The following CCDC170 variants were observed in gnomAD, a reference collection of about 807,000 sequenced individuals.
CCDC170 encodes coiled-coil domain-containing protein 170.
Under a neutral mutation model 72.6 loss-of-function variants are expected in CCDC170, and 69 were observed. That is an observed-to-expected ratio of 0.95 (90% CI 0.78 to 1.16). CCDC170 has a LOEUF of 1.16. CCDC170 is among the 50% of genes most tolerant of loss of function. CCDC170 has a pLI of 0.00. For missense variants in CCDC170, 852 were observed against 832.5 expected (o/e 1.02, Z -0.29); for synonymous variants, 300 against 303.9 (o/e 0.99, Z 0.13).
At chr6:151,608,149 C>A (rs1019244942) in intron 9 of CCDC170, among the ~76,000 whole-genome samples, 1 of 152,042 alleles carries the variant, frequency 6.6e-6, no homozygotes, top group Non-Finnish European at 1.5e-5. Context: ...TAATTGAATT[C>A]TTCAGTTCCA....
At chr6:151,595,107 C>T (rs1442104658) in intron 8 of CCDC170, among the ~76,000 whole-genome samples, 4 of 152,176 alleles carry the variant, frequency 2.6e-5, no homozygotes, top group African/African-American at 9.6e-5. Flanking sequence ...CACCTGTTAC[C>T]ACTTTACAAG....
chr6:151,511,405 G>T (rs887155349), intron 1 of CCDC170, among the ~76,000 whole-genome samples: 1 of 152,148 alleles, frequency 6.6e-6, no homozygotes, highest in Non-Finnish European at 1.5e-5. Context: ...CTTTCTGTTT[G>T]TCTATTTATC....
chr6:151,548,999 A>G (rs1182916427), intron 5 of CCDC170, among the ~76,000 whole-genome samples: 1 of 152,076 alleles, frequency 6.6e-6, no homozygotes, highest in Non-Finnish European at 1.5e-5. Context: ...ACCCTGGTTC[A>G]CACCATTCTC....
intron 9 of CCDC170, among the ~76,000 whole-genome samples, chr6:151,605,019 A>G (rs1465024883): frequency 1.3e-5 from 2 of 152,210 alleles, no homozygotes; most frequent in African/African-American, 2.4e-5. Context: ...GTAATTCTGT[A>G]TCCATTAACC....
chr6:151,588,602 C>A (rs1295582975), intron 7 of CCDC170, among the ~76,000 whole-genome samples: 1 of 152,082 alleles, frequency 6.6e-6, no homozygotes, highest in Non-Finnish European at 1.5e-5. Context: ...GGAGCTTTTT[C>A]TGTTAGATGT....
intron 5 of CCDC170, 56 bp from the exon 6 acceptor site, chr6:151,573,118 A>C: frequency 6.8e-7 from 1 of 1,476,682 alleles, no homozygotes; most frequent in Non-Finnish European, 9.2e-7. Flanking sequence ...TAGCAAATGC[A>C]GGTGTACCCT....
chr6:151,573,183 A>T lies in CCDC170; in HGVS notation c.784A>T (p.Ser262Cys). The stretch of plus-strand genomic sequence containing the variant: ...TCTGTAATCATTTTAGGACCTGCTC[A>T]GTGCTGTAGAAGCAAAAGAAGCTCT... Reference protein sequence around the residue: ...EKEKLNQDLLSAVEAKEALER... With the variant: ...EKEKLNQDLLCAVEAKEALER... Residue 262 changes from serine (S) to cysteine (C), a missense_variant, in exon 6 of 11, where the codon AGT becomes TGT. Coordinates refer to ENST00000239374, the MANE Select transcript of CCDC170 (RefSeq NM_025059.4). 6.2e-7 allele frequency: 1 copy of T among 1,612,680 alleles called. No individual in the cohort carries two copies. Among genetic ancestry groups the T allele is most frequent in the South Asian group, 1.1e-5 (1 of 90,988 alleles).
At chr6:151,507,758 T>C (rs946578467) in intron 1 of CCDC170, among the ~76,000 whole-genome samples, 1 of 151,866 alleles carries the variant, frequency 6.6e-6, no homozygotes, top group African/African-American at 2.4e-5. Context: ...CTGTATCTAC[T>C]AAAAATACAA....
At chr6:151,529,613 A>G (rs570123141) in intron 1 of CCDC170, among the ~76,000 whole-genome samples, 8 of 152,196 alleles carry the variant, frequency 5.3e-5, no homozygotes, top group Non-Finnish European at 1.2e-4. Flanking sequence ...GCTGACATAG[A>G]GCCACTGCAC....
intron 4 of CCDC170, among the ~76,000 whole-genome samples, chr6:151,547,664 C>G (rs377147545): frequency 6.6e-6 from 1 of 152,128 alleles, no homozygotes; most frequent in East Asian, 1.9e-4. Flanking sequence ...ACAGGCCTCC[C>G]CCTGGCCCTA....
chr6:151,575,463 G>A (rs1405359825), intron 6 of CCDC170, among the ~76,000 whole-genome samples: 1 of 144,034 alleles, frequency 6.9e-6, no homozygotes, highest in Non-Finnish European at 1.5e-5. Context: ...TGAAATTCAC[G>A]CATACTCTAG....
chr6:151,550,030 T>C (rs150543089), intron 5 of CCDC170, among the ~76,000 whole-genome samples: 271 of 152,304 alleles, frequency 1.8e-3, no homozygotes, highest in African/African-American at 6.1e-3. Context: ...AGTGACTGAA[T>C]TGTAAACTTT....
intron 5 of CCDC170, among the ~76,000 whole-genome samples, chr6:151,548,890 T>G (rs914901684): frequency 2.5e-5 from 3 of 118,268 alleles, no homozygotes; most frequent in Non-Finnish European, 5.7e-5. Flanking sequence ...CAGCTAGTTT[T>G]TTTGTTTGTT....
At chr6:151,532,539 G>A (rs935731267) in intron 1 of CCDC170, among the ~76,000 whole-genome samples, 1 of 151,434 alleles carries the variant, frequency 6.6e-6, no homozygotes, top group Non-Finnish European at 1.5e-5. Context: ...TCTGGGAGGT[G>A]AAAGTTGCAG....
intron 1 of CCDC170, among the ~76,000 whole-genome samples, chr6:151,536,070 T>G (rs1782572444): frequency 6.6e-6 from 1 of 152,100 alleles, no homozygotes; most frequent in Admixed American, 6.5e-5. Context: ...ATAGGCCAAT[T>G]CTTAAATGAC....
At chr6:151,562,399 T>C (rs2115074779) in intron 5 of CCDC170, among the ~76,000 whole-genome samples, 1 of 152,316 alleles carries the variant, frequency 6.6e-6, no homozygotes, top group East Asian at 1.9e-4. Context: ...AAATTCTTTT[T>C]TTCTCTTAGG....
At chr6:151,553,635 T>G in intron 5 of CCDC170, among the ~76,000 whole-genome samples, 1 of 152,178 alleles carries the variant, frequency 6.6e-6, no homozygotes, top group East Asian at 1.9e-4. Context: ...TCTTCTTATA[T>G]AAGTGTCTTC....
At chr6:151,563,776 G>T (rs1373936254) in intron 5 of CCDC170, among the ~76,000 whole-genome samples, 1 of 152,152 alleles carries the variant, frequency 6.6e-6, no homozygotes, top group Non-Finnish European at 1.5e-5. Flanking sequence ...TAACAGTCAG[G>T]GGATAGTCAG....
intron 5 of CCDC170, among the ~76,000 whole-genome samples, chr6:151,553,187 C>G (rs1035037608): frequency 1.3e-5 from 2 of 152,128 alleles, no homozygotes; most frequent in African/African-American, 4.8e-5. Flanking sequence ...TGAATACTTA[C>G]CATTAGCCCA....
Sources: gnomAD v4.1 joint callset for allele counts (sites outside exome capture counted in the v4.1 genomes callset) on GRCh38, gnomAD v4.1.1 for gene constraint, MANE v1.5 for transcripts, NCBI Gene and HGNC (gene_info 2026-07-23, HGNC 2026-07-21) for gene names.